The following DGKI variants were observed in gnomAD, a reference collection of about 807,000 sequenced individuals.
DGKI encodes the protein DAG kinase iota.
Under a neutral mutation model 147.5 loss-of-function variants are expected in DGKI, and 55 were observed. That is an observed-to-expected ratio of 0.37 (90% CI 0.30 to 0.47). The LOEUF (loss-of-function observed/expected upper bound fraction) is 0.47. DGKI is among the 20% of genes least tolerant of loss of function. The pLI is 1.00. For missense variants in DGKI, 1,007 were observed against 1,323.8 expected, an observed-to-expected ratio of 0.76 and a Z score of 3.71; for synonymous variants, 469 against 477.1, an observed-to-expected ratio of 0.98 and a Z score of 0.22.
chr7:137,841,358 T>G (rs556031816), intron 1 of DGKI, among the ~76,000 whole-genome samples: 4 of 152,358 alleles, frequency 2.6e-5, no homozygotes, highest in Non-Finnish European at 4.4e-5. Flanking sequence ...TTCCAACAAT[T>G]AGAAATCAGC....
At chr7:137,445,524 T>C (rs1286421938) in intron 27 of DGKI, among the ~76,000 whole-genome samples, 2 of 152,140 alleles carry the variant, frequency 1.3e-5, no homozygotes, top group African/African-American at 4.8e-5. Flanking sequence ...TTATTTTTTA[T>C]CATCCACATA....
intron 27 of DGKI, among the ~76,000 whole-genome samples, chr7:137,455,460 C>A (rs1253314085): frequency 6.6e-6 from 1 of 152,078 alleles, no homozygotes; most frequent in Non-Finnish European, 1.5e-5. Context: ...GTACTTAACT[C>A]TATTCCAAGA....
At chr7:137,539,535 C>T (rs191899122) in intron 20 of DGKI, among the ~76,000 whole-genome samples, 148 of 152,136 alleles carry the variant, frequency 9.7e-4, no homozygotes, top group Non-Finnish European at 4.4e-5. Context: ...GCAACTTAGT[C>T]ATGCATAAGC....
intron 27 of DGKI, among the ~76,000 whole-genome samples, chr7:137,459,619 C>T (rs558248423): frequency 1.7e-4 from 26 of 151,464 alleles, no homozygotes; most frequent in African/African-American, 9.7e-5. Context: ...GGACTACGGG[C>T]GCCCGCCACC....
At chr7:137,761,346 C>T (rs1795850251) in intron 1 of DGKI, among the ~76,000 whole-genome samples, 1 of 152,174 alleles carries the variant, frequency 6.6e-6, no homozygotes, top group Non-Finnish European at 1.5e-5. Context: ...CAACTTTGTG[C>T]CTTTGGTCAA....
chr7:137,391,855 T>C (rs1259044375), intron 32 of DGKI, among the ~76,000 whole-genome samples: 1 of 152,224 alleles, frequency 6.6e-6, no homozygotes, highest in Non-Finnish European at 1.5e-5. Flanking sequence ...TCTTTATTGG[T>C]TTCAGACTTG....
At chr7:137,440,664 T>C (rs1299566001) in intron 28 of DGKI, among the ~76,000 whole-genome samples, 2 of 152,168 alleles carry the variant, frequency 1.3e-5, no homozygotes, top group African/African-American at 4.8e-5. Flanking sequence ...AAACTGGGGG[T>C]GATACATTGA....
intron 1 of DGKI, among the ~76,000 whole-genome samples, chr7:137,756,739 A>C (rs543394701): frequency 1.7e-3 from 256 of 152,366 alleles, no homozygotes; most frequent in Non-Finnish European, 3.2e-3. Context: ...TTCCAATTTT[A>C]AAATGAACTT....
intron 28 of DGKI, among the ~76,000 whole-genome samples, chr7:137,415,888 C>T (rs1016995793): frequency 1.3e-5 from 2 of 152,092 alleles, no homozygotes; most frequent in Non-Finnish European, 2.9e-5. Context: ...ACTCAGGAGG[C>T]TGAGGCAGAG....
chr7:137,836,388 A>G (rs1490271582), intron 1 of DGKI, among the ~76,000 whole-genome samples: 1 of 152,150 alleles, frequency 6.6e-6, no homozygotes, highest in Non-Finnish European at 1.5e-5. Context: ...TTATGGAAAA[A>G]CTCATATTGC....
At chr7:137,576,234 C>T (rs1818970923) in intron 17 of DGKI, among the ~76,000 whole-genome samples, 1 of 151,896 alleles carries the variant, frequency 6.6e-6, no homozygotes. Context: ...GATGGGATTT[C>T]ACCATTTTGC....
At chr7:137,643,738 T>C (rs1821732710) in intron 6 of DGKI, among the ~76,000 whole-genome samples, 1 of 152,144 alleles carries the variant, frequency 6.6e-6, no homozygotes, top group Non-Finnish European at 1.5e-5. Flanking sequence ...TCCTGTTCAG[T>C]TGACCATGCC....
intron 28 of DGKI, among the ~76,000 whole-genome samples, chr7:137,418,358 G>A (rs1389756607): frequency 1.3e-5 from 2 of 152,156 alleles, no homozygotes; most frequent in East Asian, 3.8e-4. Flanking sequence ...GAGAGCAGCA[G>A]GGAGAACTGA....
chr7:137,685,886 G>A (rs1823397752), intron 2 of DGKI, among the ~76,000 whole-genome samples: 1 of 152,118 alleles, frequency 6.6e-6, no homozygotes, highest in African/African-American at 2.4e-5. Flanking sequence ...GCAGACTTTG[G>A]AGTCATGCCT....
chr7:137,390,912 T>A lies in DGKI; in HGVS notation c.*308A>T. ...CATTTATACGAACATCCTTTGAATCTTTAAAATAAATTATACAGGTGAACA... is the reference window on the plus strand; with the variant it reads ...CATTTATACGAACATCCTTTGAATCATTAAAATAAATTATACAGGTGAACA... On this transcript the variant is annotated 3_prime_UTR_variant, in exon 33 of 33. Coordinates refer to ENST00000614521, the MANE Select transcript of DGKI (RefSeq NM_001321708.2). The A allele has an allele frequency of 2.9e-6, 1 of 342,806 alleles. No homozygotes were observed. The highest frequency in any genetic ancestry group is 5.4e-6 in the Non-Finnish European group (1 of 185,844). The allele number at this position is 342,806 out of a possible 1,614,324, so 21.2% of individuals were successfully genotyped here. A position where few individuals can be genotyped will look rare whatever the true frequency, so the allele number is the denominator to read the frequency against.
At chr7:137,521,608 A>T (rs1327887282) in intron 21 of DGKI, among the ~76,000 whole-genome samples, 5 of 152,110 alleles carry the variant, frequency 3.3e-5, no homozygotes, top group Non-Finnish European at 5.9e-5. Context: ...ATCTGAGACT[A>T]AAGTGGCGAA....
Position 137,618,151 on chromosome 7 carries a change from A to ATATATATATATATATATTTTT in DGKI, c.993+1672_993+1673insAAAAATATATATATATATATA. The stretch of plus-strand genomic sequence containing the variant: ...ACTATATATATATATATATATATAT[A>ATATATATATATATATATTTTT]TTTTTTTTTTTTTACTCTATCATTC... On this transcript the variant is annotated intron_variant, in intron 8 of 32. Transcript: ENST00000614521. Among the ~76,000 whole-genome samples the ATATATATATATATATATTTTT allele has an allele frequency of 4.8e-4, 5 of 10,466 alleles. 1 individual carries two copies. The highest frequency in any genetic ancestry group is 1.2e-3 in the Non-Finnish European group (2 of 1,648). 6.9% of individuals were successfully genotyped at this position (10,466 alleles called of 152,430 possible). A position where few individuals can be genotyped will look rare whatever the true frequency, so the allele number is the denominator to read the frequency against.
intron 1 of DGKI, among the ~76,000 whole-genome samples, chr7:137,840,988 T>A (rs2117106698): frequency 6.6e-6 from 1 of 152,330 alleles, no homozygotes; most frequent in East Asian, 1.9e-4. Context: ...AGTAACTCAT[T>A]TAATCTTCCT....
chr7:137,744,874 G>A (rs189205348), intron 1 of DGKI, among the ~76,000 whole-genome samples: 224 of 152,142 alleles, frequency 1.5e-3, no homozygotes, highest in African/African-American at 5.2e-3. Flanking sequence ...AACAAATTAG[G>A]TATCAAGAAA....
Sources: gnomAD v4.1 joint callset for allele counts (sites outside exome capture counted in the v4.1 genomes callset) on GRCh38, gnomAD v4.1.1 for gene constraint, MANE v1.5 for transcripts, NCBI Gene and HGNC (gene_info 2026-07-23, HGNC 2026-07-21) for gene names.